The following ERP44 variants were observed in gnomAD, a reference collection of about 807,000 sequenced individuals.
The protein encoded by ERP44 is endoplasmic reticulum resident protein 44.
In ERP44, 25 loss-of-function variants were observed where a neutral mutation model predicts 53.4. The observed-to-expected ratio is 0.47, with a 90% confidence interval of 0.34 to 0.65. ERP44 has a LOEUF of 0.65. ERP44 is among the 30% of genes least tolerant of loss of function. The probability of loss-of-function intolerance (pLI) is 0.01; values close to 1 mark genes in which losing one functional copy is unlikely to be tolerated. For missense variants in ERP44, 338 were observed against 493.2 expected, an observed-to-expected ratio of 0.69 and a Z score of 2.98; for synonymous variants, 145 against 161.2, an observed-to-expected ratio of 0.90 and a Z score of 0.76.
At chr9:100,050,433 A>G (rs954153119) in intron 4 of ERP44, among the ~76,000 whole-genome samples, 3 of 148,654 alleles carry the variant, frequency 2.0e-5, no homozygotes, top group Non-Finnish European at 4.5e-5. Context: ...AATGGTTAGG[A>G]AAAAAAAAAA....
chr9:100,093,806 G>C (rs761870603), intron 1 of ERP44, among the ~76,000 whole-genome samples: 1 of 152,134 alleles, frequency 6.6e-6, no homozygotes, highest in Non-Finnish European at 1.5e-5. Flanking sequence ...TCATATTAAA[G>C]ACAGGCAAAT....
chr9:100,080,656 C>T (rs959934092), intron 1 of ERP44, among the ~76,000 whole-genome samples: 1 of 152,076 alleles, frequency 6.6e-6, no homozygotes, highest in African/African-American at 2.4e-5. Context: ...AGGCAGGGAG[C>T]ACTGCATGGG....
At chr9:100,077,039 C>T (rs922549571) in intron 1 of ERP44, among the ~76,000 whole-genome samples, 1 of 152,216 alleles carries the variant, frequency 6.6e-6, no homozygotes, top group Non-Finnish European at 1.5e-5. Context: ...GGCACCTTTC[C>T]TCAGGGTGAT....
chr9:99,989,159 G>C (rs1331914706), intron 10 of ERP44, among the ~76,000 whole-genome samples: 1 of 152,232 alleles, frequency 6.6e-6, no homozygotes, highest in Admixed American at 6.5e-5. Context: ...AAACGTCCTT[G>C]TCTGACAGCT....
At chr9:100,055,631 A>G (rs1826080878) in intron 3 of ERP44, among the ~76,000 whole-genome samples, 1 of 152,252 alleles carries the variant, frequency 6.6e-6, no homozygotes. Flanking sequence ...TCGGCCTTCC[A>G]AAGTGCTGGG....
At position 100,098,916 on chromosome 9, in the gene ERP44, G is replaced by T; in HGVS notation, c.-76C>A. 8.0e-7 allele frequency: 1 copy of T among 1,245,720 alleles called. No individual in the cohort carries two copies. The highest frequency in any genetic ancestry group is 1.2e-6 in the Non-Finnish European group (1 of 862,220). 77.2% of individuals were successfully genotyped at this position (1,245,720 alleles called of 1,614,324 possible). A position where few individuals can be genotyped will look rare whatever the true frequency, so the allele number is the denominator to read the frequency against. Reference sequence around the variant, plus strand: ...CTAGGTTGGGTTGGGTTAGGAAAGGGCTGGGCTCCGGGAGCCGACGGCAGC... The same window carrying T: ...CTAGGTTGGGTTGGGTTAGGAAAGGTCTGGGCTCCGGGAGCCGACGGCAGC... On this transcript the variant is annotated 5_prime_UTR_variant, in exon 1 of 12. Transcript: ENST00000262455.
chr9:100,041,303 T>A (rs1825898316), intron 4 of ERP44, among the ~76,000 whole-genome samples: 1 of 150,426 alleles, frequency 6.6e-6, no homozygotes. Context: ...TTTTTTGCCA[T>A]AAAAAAAAAA....
chr9:99,983,311 C>T (rs1320215373), intron 11 of ERP44, among the ~76,000 whole-genome samples: 4 of 151,802 alleles, frequency 2.6e-5, no homozygotes, highest in Non-Finnish European at 5.9e-5. Flanking sequence ...TTTGGGAGGC[C>T]GAGGCGGGTG....
At chr9:100,004,075 G>T (rs1238390077) in intron 10 of ERP44, among the ~76,000 whole-genome samples, 1 of 152,166 alleles carries the variant, frequency 6.6e-6, no homozygotes, top group Non-Finnish European at 1.5e-5. Flanking sequence ...CACTGAGGCT[G>T]GCTGAAAGCC....
At chr9:99,998,180 G>A (rs946272271) in intron 10 of ERP44, 41 of 214,992 alleles carry the variant, frequency 1.9e-4, no homozygotes, top group African/African-American at 8.4e-4. Context: ...GTCACCCTCT[G>A]TATTTTTAGC....
intron 2 of ERP44, among the ~76,000 whole-genome samples, chr9:100,059,447 A>T (rs925865266): frequency 3.3e-5 from 5 of 152,206 alleles, no homozygotes; most frequent in African/African-American, 9.6e-5. Context: ...GCACTTTGGG[A>T]GGCCAAGATG....
intron 1 of ERP44, among the ~76,000 whole-genome samples, chr9:100,080,442 T>G (rs1826410356): frequency 6.6e-6 from 1 of 152,044 alleles, no homozygotes; most frequent in Non-Finnish European, 1.5e-5. Flanking sequence ...ATGGCAGTCC[T>G]CAGATGAGAA....
In ERP44 at chr9:99,982,722, G is replaced by T; in HGVS notation, c.1120-9C>A. 1.3e-6 allele frequency: 2 copies of T among 1,574,482 alleles called. No individual in the cohort carries two copies. Among genetic ancestry groups the T allele is most frequent in the Non-Finnish European group, 1.7e-6 (2 of 1,160,144 alleles). ...GCTACATCTTGGGCTTGCTACAAAA[G>T]AAAGAATAAAACATTTTTATACCAA... On this transcript the variant is annotated splice_polypyrimidine_tract_variant and intron_variant, in intron 11 of 11. Transcript: ENST00000262455.
chr9:100,065,062 CAGTAATAACTT>C (rs972858552), intron 1 of ERP44, among the ~76,000 whole-genome samples: 9 of 152,146 alleles, frequency 5.9e-5, no homozygotes, highest in African/African-American at 2.2e-4. Flanking sequence ...CAGTAAGGTA[CAGTAATAACTT>C]AGGCCTTCTC....
rs978340867 is a variant in ERP44, at chr9:99,980,700, T to C, written c.*1912A>G. On this transcript the variant is annotated 3_prime_UTR_variant, in exon 12 of 12. Transcript: ENST00000262455. ...CTAGTGATACAGACATTAAATTTAGTTTCCTTGTCCTCAGTGACTTCACAG... is the reference window on the plus strand; with the variant it reads ...CTAGTGATACAGACATTAAATTTAGCTTCCTTGTCCTCAGTGACTTCACAG... 8 of 152,198 alleles carry C rather than the reference T, an allele frequency of 5.3e-5. No homozygotes were observed. The highest frequency in any genetic ancestry group is 1.0e-4 in the Non-Finnish European group (7 of 68,032). 9.4% of individuals were successfully genotyped at this position (152,198 alleles called of 1,614,324 possible). A position where few individuals can be genotyped will look rare whatever the true frequency, so the allele number is the denominator to read the frequency against.
At chr9:100,071,060 C>T (rs1826296542) in intron 1 of ERP44, among the ~76,000 whole-genome samples, 1 of 150,188 alleles carries the variant, frequency 6.7e-6, no homozygotes, top group Non-Finnish European at 1.5e-5. Context: ...AGTTTATACT[C>T]AACAGATTGT....
intron 10 of ERP44, among the ~76,000 whole-genome samples, chr9:100,001,338 T>C (rs1246636080): frequency 6.6e-6 from 1 of 152,234 alleles, no homozygotes; most frequent in Admixed American, 6.5e-5. Flanking sequence ...TAGAATGTTC[T>C]ATATAAGTAT....
intron 3 of ERP44, among the ~76,000 whole-genome samples, chr9:100,052,746 G>C (rs1260332451): frequency 2.0e-5 from 3 of 152,116 alleles, no homozygotes; most frequent in African/African-American, 4.8e-5. Context: ...ATGTATAATA[G>C]ATTTTGGTTT....
At chr9:99,999,441 T>C (rs1030810836) in intron 10 of ERP44, among the ~76,000 whole-genome samples, 1 of 152,230 alleles carries the variant, frequency 6.6e-6, no homozygotes, top group African/African-American at 2.4e-5. Context: ...TGATTAGTGA[T>C]GTTGAGCACT....
Sources: gnomAD v4.1 joint callset for allele counts (sites outside exome capture counted in the v4.1 genomes callset) on GRCh38, gnomAD v4.1.1 for gene constraint, MANE v1.5 for transcripts, NCBI Gene and HGNC (gene_info 2026-07-23, HGNC 2026-07-21) for gene names.